ZDHHC6: variants seen among roughly 807,000 people sequenced by gnomAD.
ZDHHC6 encodes the protein palmitoyltransferase ZDHHC6.
In ZDHHC6, 32 loss-of-function variants were observed where a neutral mutation model predicts 57.8. That is an observed-to-expected ratio of 0.55 (90% CI 0.42 to 0.74). The LOEUF is 0.74. ZDHHC6 is among the 30% of genes least tolerant of loss of function. ZDHHC6 has a pLI of 0.00. For synonymous variants in ZDHHC6, 128 were observed against 158.0 expected (o/e 0.81, Z 1.42); for missense variants, 433 against 500.7 (o/e 0.86, Z 1.29).
At chr10:112,425,417 T>C (rs144236262), downstream of ZDHHC6, 207 of 1,613,634 alleles carry the variant, frequency 1.3e-4, 1 homozygote, top group South Asian at 3.0e-4. Context: ...CCAGAGAAGA[T>C]AGAAAATATC....
chr10:112,430,741 A>G lies in ZDHHC6; in HGVS notation c.*63T>C. On this transcript the variant is annotated 3_prime_UTR_variant, in exon 11 of 11. Transcript: ENST00000369405. ...GAGTAGGCTCATTGCATAATTCTTT[A>G]GTAATATGTACAATTTTCAAGTAAT... 4.2e-6 allele frequency: 6 copies of G among 1,422,056 alleles called. No homozygotes were observed. The highest frequency in any genetic ancestry group is 5.9e-6 in the Non-Finnish European group (6 of 1,022,698). The allele number at this position is 1,422,056 out of a possible 1,614,324, so 88.1% of individuals were successfully genotyped here.
upstream of ZDHHC6, chr10:112,447,451 C>A: frequency 1.2e-6 from 2 of 1,613,500 alleles, no homozygotes; most frequent in African/African-American, 1.3e-5. Context: ...TTGCGAGGGT[C>A]CCACGACTCC....
At chr10:112,436,854 T>C (rs4917635) in intron 6 of ZDHHC6, among the ~76,000 whole-genome samples, 102,085 of 151,992 alleles carry the variant, frequency 0.67, 34,610 homozygotes, top group South Asian at 0.76. Context: ...TTTAACAGTC[T>C]GTGTGACAAA....
At position 112,434,346 on chromosome 10, in the gene ZDHHC6, T is replaced by A. The variant is rs1383984185; in HGVS notation, c.854A>T (p.Asp285Val). 1.2e-6 allele frequency: 2 copies of A among 1,613,738 alleles called. No individual in the cohort carries two copies. The highest frequency in any genetic ancestry group is 2.2e-5 in the South Asian group (2 of 91,020). The change falls in exon 7 of 11, where the codon GAT becomes GTT. Residue 285 changes from aspartate (D) to valine (V), a missense_variant. Transcript: ENST00000369405. ...TTCTCTTACTGGCCACTCAAGTCCATCTCCTTCAGGGACCCCTGACCACGT... is the reference window on the plus strand; with the variant it reads ...TTCTCTTACTGGCCACTCAAGTCCAACTCCTTCAGGGACCCCTGACCACGT... ...VFTWSGVPEG[D>V]GLEWPVREGC...
chr10:112,447,213 A>T, upstream of ZDHHC6: 1 of 652,492 alleles, frequency 1.5e-6, no homozygotes, highest in Non-Finnish European at 2.5e-6. Flanking sequence ...CGAGATTGCG[A>T]CGAACAACCA....
At chr10:112,427,245 C>T (rs1212980689), downstream of ZDHHC6, 1 of 1,613,248 alleles carries the variant, frequency 6.2e-7, no homozygotes. Flanking sequence ...TCATCCAGAG[C>T]CATTTTCCAT....
chr10:112,447,333 T>G (rs1846881206), upstream of ZDHHC6: 2 of 1,598,410 alleles, frequency 1.3e-6, no homozygotes, highest in Non-Finnish European at 1.7e-6. Flanking sequence ...GCCCTTTCCC[T>G]GACCTAGGCT....
chr10:112,440,615 T>TA lies in ZDHHC6; in HGVS notation c.599dup (p.Leu200PhefsTer40). ...CAAACAAGGTGGTAGCAAATGCAGCTAATCCAAATGGAACAATTGGAAGAG... is the reference window on the plus strand; with the variant it reads ...CAAACAAGGTGGTAGCAAATGCAGCTAAATCCAAATGGAACAATTGGAAGAG... On this transcript the variant is annotated frameshift_variant, in exon 5 of 11. Coordinates refer to ENST00000369405, the MANE Select transcript of ZDHHC6 (RefSeq NM_022494.3). LOFTEE classifies it high-confidence loss of function. 6.2e-7 allele frequency: 1 copy of TA among 1,614,088 alleles called. No individual in the cohort carries two copies. The highest frequency in any genetic ancestry group is 8.5e-7 in the Non-Finnish European group (1 of 1,179,972).
At position 112,445,238 on chromosome 10, in the gene ZDHHC6, T is replaced by C; in HGVS notation, c.199A>G (p.Met67Val). The change falls in exon 2 of 11, where the codon ATG becomes GTG. Residue 67 changes from methionine to valine, a missense_variant. Coordinates refer to ENST00000369405, the MANE Select transcript of ZDHHC6 (RefSeq NM_022494.3). ...NFIMLINWTV[M>V]ILYNYFNAMF... is the part of the protein sequence containing the mutation. Reference sequence around the variant, plus strand: ...GCATTGAAGTAATTATAAAGAATCATGACAGTCCAATTTATCAACATGATG... The same window carrying C: ...GCATTGAAGTAATTATAAAGAATCACGACAGTCCAATTTATCAACATGATG... 1.9e-6 allele frequency: 3 copies of C among 1,614,222 alleles called. No individual in the cohort carries two copies. Among genetic ancestry groups the C allele is most frequent in the South Asian group, 1.1e-5 (1 of 91,088 alleles).
At chr10:112,426,324 G>T, downstream of ZDHHC6, 1 of 1,614,092 alleles carries the variant, frequency 6.2e-7, no homozygotes, top group Non-Finnish European at 8.5e-7. Flanking sequence ...CAAGCTTGGG[G>T]TGAAGGGCTC....
At chr10:112,439,814 G>A (rs1318470575) in intron 5 of ZDHHC6, among the ~76,000 whole-genome samples, 1 of 151,884 alleles carries the variant, frequency 6.6e-6, no homozygotes, top group South Asian at 2.1e-4. Flanking sequence ...CCTAAGGGCA[G>A]CTACCTCTTC....
chr10:112,440,394 A>G, intron 5 of ZDHHC6, 140 bp downstream of exon 5: 1 of 916,160 alleles, frequency 1.1e-6, no homozygotes, highest in Non-Finnish European at 1.6e-6. Flanking sequence ...ACGAATACAA[A>G]GGAGATTAGT....
At chr10:112,438,595 G>A (rs754199359) in intron 5 of ZDHHC6, among the ~76,000 whole-genome samples, 2 of 151,140 alleles carry the variant, frequency 1.3e-5, no homozygotes, top group South Asian at 2.1e-4. Flanking sequence ...GTACCTCTCC[G>A]TAACAATGAT....
chr10:112,425,312 C>T, downstream of ZDHHC6: 3 of 1,583,722 alleles, frequency 1.9e-6, no homozygotes, highest in Non-Finnish European at 2.6e-6. Context: ...CTCAAAAATA[C>T]TGATACTTTT....
At chr10:112,434,750 T>C (rs1163900718) in intron 6 of ZDHHC6, among the ~76,000 whole-genome samples, 1 of 152,214 alleles carries the variant, frequency 6.6e-6, no homozygotes, top group Non-Finnish European at 1.5e-5. Context: ...CTTTATCTCA[T>C]ACATAAAAAG....
intron 7 of ZDHHC6, chr10:112,433,484 T>C: frequency 2.2e-6 from 1 of 447,234 alleles, no homozygotes; most frequent in East Asian, 3.4e-5. Context: ...AGTGAGGTTT[T>C]CTTCTCGCTA....
At chr10:112,447,284 G>C, upstream of ZDHHC6, 1 of 1,422,590 alleles carries the variant, frequency 7.0e-7, no homozygotes, top group Non-Finnish European at 9.6e-7. Flanking sequence ...GGCACCTTCC[G>C]GGGTTCCTAA....
chr10:112,434,482 A>G lies in ZDHHC6; in HGVS notation c.736-18T>C. ...TCTTTAGCCTGTGGGTAACAAAGAT[A>G]TAAGATGGCAGGTGCCTCTGTCTAA... On this transcript the variant is annotated intron_variant, in intron 6 of 10. Coordinates refer to ENST00000369405, the MANE Select transcript of ZDHHC6 (RefSeq NM_022494.3). 6.2e-7 allele frequency: 1 copy of G among 1,602,618 alleles called. No individual in the cohort carries two copies. The highest frequency in any genetic ancestry group is 8.5e-7 in the Non-Finnish European group (1 of 1,173,958).
chr10:112,429,467 A>G (rs1844863317), downstream of ZDHHC6, among the ~76,000 whole-genome samples: 1 of 152,076 alleles, frequency 6.6e-6, no homozygotes, highest in African/African-American at 2.4e-5. Flanking sequence ...TCCATCTTAC[A>G]TATATTTTAC....
Sources: allele counts gnomAD v4.1 joint callset (sites outside exome capture counted in the v4.1 genomes callset), GRCh38; gene constraint gnomAD v4.1.1; transcripts MANE v1.5; gene names NCBI Gene and HGNC (gene_info 2026-07-23, HGNC 2026-07-21).